Variants in KSR2 observed in about 807,000 individuals in gnomAD.
KSR2 encodes kinase suppressor of ras 2.
A neutral mutation model predicts 107.8 loss-of-function variants in KSR2; 25 were observed. The observed-to-expected ratio is 0.23, with a 90% CI of 0.17 to 0.32. KSR2 has a LOEUF of 0.32. Among genes scored for constraint, KSR2 ranks in the 10% least tolerant of loss-of-function variants. The pLI, the probability that KSR2 is intolerant of heterozygous loss-of-function variation, is 1.00. For missense variants in KSR2, 887 were observed against 1,268.9 expected (o/e 0.70, Z 4.57); for synonymous variants, 480 against 507.0 (o/e 0.95, Z 0.71).
intron 6 of KSR2, among the ~76,000 whole-genome samples, chr12:117,581,759 AGCTCTGG>A (rs1407332908): frequency 3.9e-5 from 6 of 152,210 alleles, no homozygotes; most frequent in African/African-American, 1.4e-4. Flanking sequence ...GCAGGGCTAG[AGCTCTGG>A]ACTGAACGCC....
intron 7 of KSR2, among the ~76,000 whole-genome samples, chr12:117,578,295 G>A (rs527647249): frequency 6.6e-6 from 1 of 152,074 alleles, no homozygotes; most frequent in Non-Finnish European, 1.5e-5. Flanking sequence ...GAAAGAAAAA[G>A]GAGAGAAAGG....
rs1272525147 is a variant in KSR2, at chr12:117,761,434, G to A, written c.563C>T (p.Thr188Ile). Residue 188 changes from threonine (T) to isoleucine (I), a missense_variant, in exon 4 of 20, where the codon ACC (threonine) becomes ATC (isoleucine). Thr to Ile is a moderately conservative substitution (Grantham distance 89). This residue lies in a region of KSR2 where 399 missense variants were observed against 479.5 expected (regional missense o/e 0.83). Coordinates refer to ENST00000339824, the MANE Select transcript of KSR2 (RefSeq NM_173598.6). ...GGAGAGATGGGTGCGGATCCACGGG[G>A]TGGGCTCCGGGGGGCACACGGGATT... ...ENNPVCPPEPTPWIRTHLSQS... is the reference protein window; with the variant it reads ...ENNPVCPPEPIPWIRTHLSQS... The A allele has an allele frequency of 5.6e-6, 9 of 1,612,490 alleles. No homozygotes were observed. The African/African-American group carries it at 8.0e-5, about 14-fold the overall frequency.
intron 1 of KSR2, among the ~76,000 whole-genome samples, chr12:117,916,034 C>G (rs1324977802): frequency 6.6e-6 from 1 of 151,948 alleles, no homozygotes; most frequent in Non-Finnish European, 1.5e-5. Context: ...TCATGCTCCT[C>G]AAACTAGGAC....
chr12:117,655,447 C>A (rs116127481), intron 5 of KSR2, among the ~76,000 whole-genome samples: 5,849 of 152,204 alleles, frequency 0.038, 254 homozygotes, highest in East Asian at 0.24. Context: ...AGGACTGGGG[C>A]AAAGTTCTCT....
At position 117,569,713 on chromosome 12, in the gene KSR2, G is replaced by C. The variant is rs925651051; in HGVS notation, c.1325+9406C>G. Among the ~76,000 whole-genome samples, 15 of 152,120 alleles carry C rather than the reference G, an allele frequency of 9.9e-5. 1 individual carries two copies. The highest frequency in any genetic ancestry group is 2.2e-4 in the Non-Finnish European group (15 of 67,998). On this transcript the variant is annotated intron_variant, in intron 7 of 19. Transcript: ENST00000339824. ...CAGTGCTAAACCTCAGAAAGTCCCA[G>C]GCAAACTGGGATGGTTGATCACCCC...
intron 5 of KSR2, among the ~76,000 whole-genome samples, chr12:117,599,911 T>C (rs189190230): frequency 6.6e-6 from 1 of 152,218 alleles, no homozygotes; most frequent in Non-Finnish European, 1.5e-5. Flanking sequence ...TCACAAAAGA[T>C]CCCACCTAAT....
chr12:117,465,927 C>G lies in KSR2; in HGVS notation c.*1272G>C, dbSNP rs1322262979. On this transcript the variant is annotated 3_prime_UTR_variant, in exon 20 of 20. Transcript: ENST00000339824. ...CATCCTTCCTACAGATACAGAACAC[C>G]AGGGGCTTCCCCAACATGGTCAGGA... is the stretch of plus-strand genomic sequence containing the variant. The G allele has an allele frequency of 1.3e-5, 2 of 152,176 alleles. No individual in the cohort carries two copies. The highest frequency in any genetic ancestry group is 2.9e-5 in the Non-Finnish European group (2 of 68,064). 9.4% of individuals were successfully genotyped at this position (152,176 alleles called of 1,614,324 possible). A position where few individuals can be genotyped will look rare whatever the true frequency, so the allele number is the denominator to read the frequency against.
At chr12:117,776,717 C>T (rs571420459) in intron 3 of KSR2, among the ~76,000 whole-genome samples, 2 of 152,042 alleles carry the variant, frequency 1.3e-5, no homozygotes, top group African/African-American at 2.4e-5. Flanking sequence ...TCAGGATTCC[C>T]GGGTTCCACG....
chr12:117,883,748 C>T (rs1178312396), intron 1 of KSR2, among the ~76,000 whole-genome samples: 1 of 151,846 alleles, frequency 6.6e-6, no homozygotes, highest in Non-Finnish European at 1.5e-5. Flanking sequence ...TGGTGGCAGG[C>T]ATCTGTAATC....
chr12:117,841,784 C>A (rs963263834), intron 3 of KSR2, among the ~76,000 whole-genome samples: 1 of 152,226 alleles, frequency 6.6e-6, no homozygotes, highest in Non-Finnish European at 1.5e-5. Flanking sequence ...CACCACCCCC[C>A]TCCCAGGCAA....
chr12:117,783,763 T>C lies in KSR2; in HGVS notation c.473-22239A>G, dbSNP rs374504028. On this transcript the variant is annotated intron_variant, in intron 3 of 19. Coordinates refer to ENST00000339824, the MANE Select transcript of KSR2 (RefSeq NM_173598.6). ...GAAATGAGGAGTAAACACTTCAGAG[T>C]ATCCCATATTTCTGGCCAGAGGACC... is the stretch of plus-strand genomic sequence containing the variant. Among the ~76,000 whole-genome samples, 20 of 152,264 alleles carry C rather than the reference T, an allele frequency of 1.3e-4. No homozygotes were observed. In the East Asian group the frequency reaches 2.7e-3, roughly 21 times the overall value.
chr12:117,861,142 G>A (rs146987172), intron 1 of KSR2, among the ~76,000 whole-genome samples: 195 of 152,290 alleles, frequency 1.3e-3, no homozygotes, highest in Middle Eastern at 0.01. Context: ...GCAAAGGACT[G>A]CAAACATTCT....
rs745331382 is a variant in KSR2, at chr12:117,835,898, A to G, written c.472+19530T>C. ...TGGGACCTGAGATGTAATGACTGAC[A>G]TCAGAGAGGATTAACGATGAGCACT... On this transcript the variant is annotated intron_variant, in intron 3 of 19. Transcript: ENST00000339824. Among the ~76,000 whole-genome samples the G allele has an allele frequency of 1.4e-4, 22 of 151,932 alleles. 1 individual carries two copies. The highest frequency in any genetic ancestry group is 1.3e-3 in the South Asian group (6 of 4,770).
chr12:117,912,263 A>C (rs896284191), intron 1 of KSR2, among the ~76,000 whole-genome samples: 4 of 152,234 alleles, frequency 2.6e-5, no homozygotes, highest in Non-Finnish European at 5.9e-5. Context: ...CAATGGGAAA[A>C]GCTACTTCAC....
At chr12:117,724,343 A>G (rs1565980179) in intron 4 of KSR2, among the ~76,000 whole-genome samples, 1 of 151,760 alleles carries the variant, frequency 6.6e-6, no homozygotes, top group Non-Finnish European at 1.5e-5. Context: ...AAAATAACAT[A>G]TATCTACCAA....
chr12:117,861,369 C>A (rs1259966318), intron 1 of KSR2, among the ~76,000 whole-genome samples: 1 of 148,366 alleles, frequency 6.7e-6, no homozygotes, highest in Admixed American at 6.7e-5. Context: ...CACAAGGACT[C>A]CCAATTCGCT....
chr12:117,821,804 C>G (rs1891572479), intron 3 of KSR2, among the ~76,000 whole-genome samples: 1 of 152,164 alleles, frequency 6.6e-6, no homozygotes, highest in Non-Finnish European at 1.5e-5. Flanking sequence ...AGAACATGGT[C>G]TTTGGTCTCA....
chr12:117,656,327 T>C (rs1350971351), intron 5 of KSR2, among the ~76,000 whole-genome samples: 4 of 152,204 alleles, frequency 2.6e-5, no homozygotes, highest in Non-Finnish European at 5.9e-5. Flanking sequence ...AGGATAGTTG[T>C]GGCCAGGCAT....
intron 5 of KSR2, among the ~76,000 whole-genome samples, chr12:117,641,272 T>C (rs1350240341): frequency 6.6e-6 from 1 of 152,146 alleles, no homozygotes; most frequent in African/African-American, 2.4e-5. Flanking sequence ...AATTTTTGTA[T>C]TTTTAGTAGA....
Sources: allele counts gnomAD v4.1 joint callset (sites outside exome capture counted in the v4.1 genomes callset), GRCh38; gene constraint gnomAD v4.1.1; regional missense constraint gnomAD v4.1.1; transcripts MANE v1.5; gene names NCBI Gene and HGNC (gene_info 2026-07-23, HGNC 2026-07-21).